Variants in RNF144A observed in about 807,000 individuals in gnomAD.
RNF144A encodes ring finger protein 144A, also known as E3 ubiquitin-protein ligase RNF144A.
A neutral mutation model predicts 38.7 loss-of-function variants in RNF144A; 11 were observed. That is an observed-to-expected ratio of 0.28 (90% confidence interval 0.18 to 0.47). The LOEUF (loss-of-function observed/expected upper bound fraction) is 0.47. RNF144A is among the 20% of genes least tolerant of loss of function. RNF144A has a pLI of 0.99. For synonymous variants in RNF144A, 149 were observed against 143.9 expected, an observed-to-expected ratio of 1.04 and a Z score of -0.25; for missense variants, 316 against 377.2, an observed-to-expected ratio of 0.84 and a Z score of 1.34.
chr2:6,949,288 T>A (rs1259271968), intron 2 of RNF144A, among the ~76,000 whole-genome samples: 1 of 152,116 alleles, frequency 6.6e-6, no homozygotes, highest in African/African-American at 2.4e-5. Flanking sequence ...GAGGTTTGTA[T>A]ATAAATGTTT....
In RNF144A at chr2:6,941,729, G is replaced by A. The variant is rs760673885; in HGVS notation, c.-12+582G>A. 3.9e-5 allele frequency among the ~76,000 whole-genome samples: 6 copies of A among 152,284 alleles called. No homozygotes were observed. The highest frequency in any genetic ancestry group is 7.3e-5 in the Non-Finnish European group (5 of 68,052). Reference sequence around the variant, plus strand: ...GTTGCAGTTTTAAGTGGAGTGGTCAGGGAGGTCTCTAAAGGTGAAATTGAA... The same window carrying A: ...GTTGCAGTTTTAAGTGGAGTGGTCAAGGAGGTCTCTAAAGGTGAAATTGAA... On this transcript the variant is annotated intron_variant, in intron 2 of 8. Transcript: ENST00000320892. This position sits in a 1 kb window ranked among gnomAD's most constrained non-coding sequence, Gnocchi z 6.5.
chr2:6,996,873 C>T, intron 2 of RNF144A, 43 bp from the exon 3 acceptor site: 2 of 1,595,562 alleles, frequency 1.3e-6, no homozygotes, highest in Non-Finnish European at 1.7e-6. Flanking sequence ...AGGTGGATGC[C>T]AGGGGTGGGG....
In RNF144A at chr2:7,044,009, T is replaced by C. The variant is rs1673200750; in HGVS notation, c.*4249T>C. Reference sequence around the variant, plus strand: ...ACACTGTGATGTATAAAAGAGCTGTTTGAATGCCTTTTAATGTTGTGTTTT... The same window carrying C: ...ACACTGTGATGTATAAAAGAGCTGTCTGAATGCCTTTTAATGTTGTGTTTT... On this transcript the variant is annotated 3_prime_UTR_variant, in exon 9 of 9. Coordinates refer to ENST00000320892, the MANE Select transcript of RNF144A (RefSeq NM_014746.6). 1 of 985,850 alleles carries C rather than the reference T, an allele frequency of 1.0e-6. No individual in the cohort carries two copies. Among genetic ancestry groups the C allele is most frequent in the Non-Finnish European group, 1.2e-6 (1 of 829,890 alleles). The allele number at this position is 985,850 out of a possible 1,614,324, so 61.1% of individuals were successfully genotyped here.
At chr2:7,060,615 G>A (rs1487853073) in intron 6 of RNF144A, among the ~76,000 whole-genome samples, 2 of 152,108 alleles carry the variant, frequency 1.3e-5, no homozygotes, top group East Asian at 3.8e-4. Flanking sequence ...CCAGATTTAG[G>A]GCTGATGTTC....
In RNF144A at chr2:7,052,526, A is replaced by G. The variant is rs77062982; in HGVS notation, c.735-15690A>G. Among the ~76,000 whole-genome samples, 1,435 of 152,294 alleles carry G rather than the reference A, an allele frequency of 9.4e-3. 49 individuals are homozygous for G. In the East Asian group the frequency reaches 0.11, roughly 12 times the overall value. On this transcript the variant is annotated intron_variant, in intron 6 of 6. Transcript: ENST00000432850. Reference sequence around the variant, plus strand: ...TGTTGGCTAGTGCCTCTTCTGAAACAGGGCTCTGTAGAGGCAGCGAGGGGT... The same window carrying G: ...TGTTGGCTAGTGCCTCTTCTGAAACGGGGCTCTGTAGAGGCAGCGAGGGGT...
intron 2 of RNF144A, among the ~76,000 whole-genome samples, chr2:6,961,550 G>A (rs1320099368): frequency 6.6e-6 from 1 of 152,194 alleles, no homozygotes; most frequent in Non-Finnish European, 1.5e-5. Flanking sequence ...GATGAGACAT[G>A]CATGCATCCT....
At chr2:7,030,015 A>T in intron 7 of RNF144A, 111 bp from the exon 8 acceptor site, 2 of 781,964 alleles carry the variant, frequency 2.6e-6, no homozygotes, top group Non-Finnish European at 4.4e-6. Context: ...CACCTCCCTC[A>T]TGTCTCCACT....
intron 2 of RNF144A, among the ~76,000 whole-genome samples, chr2:6,950,369 AT>A (rs1666602718): frequency 6.6e-6 from 1 of 152,140 alleles, no homozygotes; most frequent in Non-Finnish European, 1.5e-5. Flanking sequence ...GTGTAACTGC[AT>A]TTATTCATTT....
At chr2:6,959,241 C>A (rs576056965) in intron 2 of RNF144A, among the ~76,000 whole-genome samples, 1 of 152,258 alleles carries the variant, frequency 6.6e-6, no homozygotes, top group Non-Finnish European at 1.5e-5. Flanking sequence ...GTAACTTTCA[C>A]AACTTGTTCT....
chr2:6,996,903 T>C lies in RNF144A; in HGVS notation c.-11-13T>C, dbSNP rs755801097. 6.2e-7 allele frequency: 1 copy of C among 1,610,546 alleles called. No homozygotes were observed. Among genetic ancestry groups the C allele is most frequent in the Non-Finnish European group, 8.5e-7 (1 of 1,177,982 alleles). ...GTGGGGAGGTCTGACCTTCCGTGCT[T>C]CTCTCGTTTCAGACTGTTCTGCGAT... is the stretch of plus-strand genomic sequence containing the variant. On this transcript the variant is annotated splice_polypyrimidine_tract_variant and intron_variant, in intron 2 of 8. Transcript: ENST00000320892.
chr2:6,921,866 G>A (rs957003540), intron 1 of RNF144A, among the ~76,000 whole-genome samples: 1 of 152,230 alleles, frequency 6.6e-6, no homozygotes. Context: ...CCTGGGAACA[G>A]CAAGAAACAG....
chr2:7,015,825 T>C (rs1671100228), intron 5 of RNF144A, among the ~76,000 whole-genome samples: 1 of 152,106 alleles, frequency 6.6e-6, no homozygotes, highest in Admixed American at 6.5e-5. Context: ...CCTGCACTGA[T>C]TCTCGGGTTC....
At chr2:7,035,267 C>G (rs1056480880) in intron 8 of RNF144A, among the ~76,000 whole-genome samples, 2 of 152,182 alleles carry the variant, frequency 1.3e-5, no homozygotes. Flanking sequence ...CTAAAGAGCC[C>G]AGGCCACAGC....
downstream of RNF144A, among the ~76,000 whole-genome samples, chr2:7,070,196 G>T (rs1284434012): frequency 1.3e-5 from 2 of 152,020 alleles, no homozygotes; most frequent in Non-Finnish European, 2.9e-5. Context: ...TTGAGACAGG[G>T]TTTGACTCTG....
intron 6 of RNF144A, among the ~76,000 whole-genome samples, chr2:7,060,560 G>A (rs1255149184): frequency 6.6e-6 from 1 of 152,142 alleles, no homozygotes; most frequent in Non-Finnish European, 1.5e-5. Flanking sequence ...AAAATGAAAT[G>A]GAGAGAAAGA....
chr2:7,030,930 G>A (rs1672255232), intron 8 of RNF144A, among the ~76,000 whole-genome samples: 1 of 151,934 alleles, frequency 6.6e-6, no homozygotes. Flanking sequence ...CTCATATAAG[G>A]AGGCTGCAAC....
downstream of RNF144A, among the ~76,000 whole-genome samples, chr2:7,069,733 G>A (rs1262657540): frequency 6.6e-6 from 1 of 152,218 alleles, no homozygotes; most frequent in Non-Finnish European, 1.5e-5. Context: ...AGTTCAGGGA[G>A]ATGAGAACTC....
chr2:7,074,562 T>G, the RNF144A span: 3 of 152,212 alleles, frequency 2.0e-5, no homozygotes, highest in Admixed American at 6.5e-5. Context: ...CCTGGGCCCT[T>G]AAAAGATCTA....
rs2444299 is a variant in RNF144A at position 7,008,322 on chromosome 2, T to A, written c.136-6132T>A. 3.4e-3 allele frequency among the ~76,000 whole-genome samples: 521 copies of A among 152,302 alleles called. 3 individuals are homozygous for A. Among genetic ancestry groups the A allele is most frequent in the African/African-American group, 0.012 (501 of 41,568 alleles). ...TTCTGGTGGCTTTTGTAGACCGCAG[T>A]GTAGCTGCAGGCCCGGCTGCAGGTT... On this transcript the variant is annotated intron_variant, in intron 3 of 8. Coordinates refer to ENST00000320892, the MANE Select transcript of RNF144A (RefSeq NM_014746.6).
Sources: gnomAD v4.1 joint callset for allele counts (sites outside exome capture counted in the v4.1 genomes callset) on GRCh38, gnomAD v4.1.1 for gene constraint, Gnocchi (gnomAD v3.1) non-coding constraint, MANE v1.5 for transcripts, NCBI Gene and HGNC (gene_info 2026-07-23, HGNC 2026-07-21) for gene names.